The following GSAP variants were observed in gnomAD, a reference collection of about 807,000 sequenced individuals.
GSAP encodes the protein gamma-secretase activating protein.
In GSAP, 118 loss-of-function variants were observed where a neutral mutation model predicts 131.7. The ratio of observed to expected loss-of-function variants is 0.90; its 90% CI spans 0.77 to 1.04. The LOEUF (loss-of-function observed/expected upper bound fraction) is 1.04. Ranked by LOEUF, GSAP falls within the 50% of genes least tolerant of loss-of-function variation. The pLI is 0.00. For missense variants in GSAP, 1,019 were observed against 1,013.2 expected, an observed-to-expected ratio of 1.01 and a Z score of -0.08; for synonymous variants, 381 against 363.4, an observed-to-expected ratio of 1.05 and a Z score of -0.55.
chr7:77,334,170 A>C (rs1789585353), intron 19 of GSAP, among the ~76,000 whole-genome samples: 1 of 152,210 alleles, frequency 6.6e-6, no homozygotes, highest in Admixed American at 6.5e-5. Flanking sequence ...CATGGAATCA[A>C]TCCAAATGCC....
At chr7:77,336,986 C>T (rs1168204735) in intron 19 of GSAP, among the ~76,000 whole-genome samples, 2 of 152,162 alleles carry the variant, frequency 1.3e-5, no homozygotes, top group Admixed American at 6.5e-5. Context: ...ACATCTTTGT[C>T]AAAGCAACAA....
intron 19 of GSAP, among the ~76,000 whole-genome samples, chr7:77,348,528 A>G (rs1178718904): frequency 2.0e-5 from 3 of 152,118 alleles, no homozygotes; most frequent in Non-Finnish European, 4.4e-5. Context: ...ACAGATACAA[A>G]AGAATCAAAT....
intron 17 of GSAP, 34 bp from the exon 18 acceptor site, chr7:77,353,060 AG>A: frequency 8.4e-7 from 1 of 1,195,420 alleles, no homozygotes; most frequent in Non-Finnish European, 1.2e-6. Flanking sequence ...GGGGGAAAAA[AG>A]ATGTGGTTTA....
intron 5 of GSAP, among the ~76,000 whole-genome samples, chr7:77,390,881 G>A (rs567189938): frequency 1.0e-4 from 15 of 144,030 alleles, no homozygotes; most frequent in South Asian, 2.2e-4. Flanking sequence ...ACCAGGAGGC[G>A]GAAGTTGCAG....
At chr7:77,369,031 G>A (rs536015414) in intron 12 of GSAP, among the ~76,000 whole-genome samples, 1 of 152,214 alleles carries the variant, frequency 6.6e-6, no homozygotes, top group Non-Finnish European at 1.5e-5. Context: ...AGTTTTCCAA[G>A]GGAAATTATG....
At chr7:77,377,237 TAAA>T (rs533755073) in intron 9 of GSAP, 46 bp downstream of exon 9, 3,435 of 888,642 alleles carry the variant, frequency 3.9e-3, no homozygotes, top group East Asian at 0.013. Context: ...AATATTTTTG[TAAA>T]AAAAAAAAAA....
intron 8 of GSAP, among the ~76,000 whole-genome samples, chr7:77,381,028 G>A (rs1453254773): frequency 2.0e-5 from 3 of 152,176 alleles, no homozygotes; most frequent in South Asian, 4.1e-4. Flanking sequence ...ACCTTGCATA[G>A]GTTTGCACGA....
intron 19 of GSAP, among the ~76,000 whole-genome samples, chr7:77,335,825 G>A (rs1014965669): frequency 6.6e-6 from 1 of 152,224 alleles, no homozygotes; most frequent in Non-Finnish European, 1.5e-5. Context: ...AACTAGCACA[G>A]CTAAAGCATC....
chr7:77,414,530 C>G (rs555141361), intron 1 of GSAP, among the ~76,000 whole-genome samples: 80 of 152,254 alleles, frequency 5.3e-4, no homozygotes, highest in Non-Finnish European at 1.1e-3. Context: ...CCAGAAAGTA[C>G]CTTCTGAGGA....
At chr7:77,414,300 G>A (rs766670059) in intron 1 of GSAP, among the ~76,000 whole-genome samples, 1 of 152,352 alleles carries the variant, frequency 6.6e-6, no homozygotes, top group South Asian at 2.1e-4. Context: ...ACAAATGTGT[G>A]TTGTAACTGC....
intron 22 of GSAP, chr7:77,328,121 T>G: frequency 4.3e-6 from 3 of 704,560 alleles, no homozygotes; most frequent in Non-Finnish European, 5.2e-6. Context: ...CAGCTCTGTC[T>G]AGCTCTCAAG....
intron 19 of GSAP, among the ~76,000 whole-genome samples, chr7:77,347,634 T>G (rs1792107803): frequency 6.6e-6 from 1 of 152,164 alleles, no homozygotes; most frequent in South Asian, 2.1e-4. Flanking sequence ...TATGGAGTCA[T>G]TAGAAATTAT....
chr7:77,337,206 G>A (rs1028407958), intron 19 of GSAP, among the ~76,000 whole-genome samples: 2 of 148,210 alleles, frequency 1.3e-5, no homozygotes, highest in Admixed American at 1.4e-4. Context: ...AAGCTGGAGT[G>A]CAGTGGCACT....
At chr7:77,363,126 G>C (rs973515693) in intron 12 of GSAP, among the ~76,000 whole-genome samples, 1 of 152,182 alleles carries the variant, frequency 6.6e-6, no homozygotes, top group Non-Finnish European at 1.5e-5. Flanking sequence ...CTATCTTATG[G>C]GTCAGTGAAA....
At chr7:77,337,944 A>C (rs1790278454) in intron 19 of GSAP, among the ~76,000 whole-genome samples, 1 of 152,076 alleles carries the variant, frequency 6.6e-6, no homozygotes, top group South Asian at 2.1e-4. Context: ...CGAGGCCAGG[A>C]GTTTGAGATC....
intron 27 of GSAP, among the ~76,000 whole-genome samples, chr7:77,314,045 A>C (rs557699342): frequency 1.3e-5 from 2 of 152,302 alleles, no homozygotes; most frequent in South Asian, 4.1e-4. Flanking sequence ...AAGGAATCTA[A>C]TAGTTGTATG....
intron 19 of GSAP, 156 bp from the exon 20 acceptor site, chr7:77,330,523 A>T: frequency 8.4e-7 from 1 of 1,195,622 alleles, no homozygotes; most frequent in African/African-American, 1.6e-5. Flanking sequence ...CCCAATAGGG[A>T]TTCTAAAATA....
chr7:77,313,838 T>C (rs1191945929), intron 27 of GSAP, among the ~76,000 whole-genome samples: 6 of 152,322 alleles, frequency 3.9e-5, no homozygotes, highest in East Asian at 3.9e-4. Flanking sequence ...TAAAATACAA[T>C]TGAATAATTT....
intron 19 of GSAP, among the ~76,000 whole-genome samples, chr7:77,342,036 C>A (rs1430771193): frequency 6.6e-6 from 1 of 152,212 alleles, no homozygotes; most frequent in African/African-American, 2.4e-5. Flanking sequence ...TAAGCCGTGT[C>A]CCATCTATGC....
Sources: allele counts gnomAD v4.1 joint callset (sites outside exome capture counted in the v4.1 genomes callset), GRCh38; gene constraint gnomAD v4.1.1; transcripts MANE v1.5; gene names NCBI Gene and HGNC (gene_info 2026-07-23, HGNC 2026-07-21).